Variants in BTBD16 observed in about 807,000 individuals in gnomAD.
BTBD16 encodes the protein BTB/POZ domain-containing protein 16.
In BTBD16, 66 loss-of-function variants were observed where a neutral mutation model predicts 67.4. That is an observed-to-expected ratio of 0.98 (90% CI 0.80 to 1.20). The LOEUF (loss-of-function observed/expected upper bound fraction) is 1.20, where lower values mean the gene tolerates loss of function less well. Ranked by LOEUF, BTBD16 falls within the 50% of genes most tolerant of loss-of-function variation. BTBD16 has a pLI of 0.00. For missense variants in BTBD16, 634 were observed against 616.0 expected (o/e 1.03, Z -0.31); for synonymous variants, 242 against 236.4 (o/e 1.02, Z -0.22).
chr10:122,323,703 C>A (rs2096439348), intron 10 of BTBD16, among the ~76,000 whole-genome samples: 1 of 152,186 alleles, frequency 6.6e-6, no homozygotes, highest in Non-Finnish European at 1.5e-5. Flanking sequence ...AAATTACTCA[C>A]TTTACTAAAT....
intron 12 of BTBD16, 182 bp from the exon 13 acceptor site, chr10:122,332,254 A>G (rs2096456306): frequency 1.7e-6 from 1 of 597,242 alleles, no homozygotes; most frequent in African/African-American, 1.9e-5. Flanking sequence ...ACAGTGCCAG[A>G]CACAGTAAGT....
intron 4 of BTBD16, among the ~76,000 whole-genome samples, chr10:122,284,656 G>T (rs1465743014): frequency 6.7e-6 from 1 of 148,280 alleles, no homozygotes; most frequent in African/African-American, 2.5e-5. Flanking sequence ...TCATGAGGAG[G>T]CAGCTTCTTA....
At chr10:122,282,772 G>A (rs1040863121) in intron 3 of BTBD16, among the ~76,000 whole-genome samples, 1 of 152,226 alleles carries the variant, frequency 6.6e-6, no homozygotes, top group Non-Finnish European at 1.5e-5. Flanking sequence ...GGATACACAA[G>A]TAAACAGGCA....
chr10:122,276,120 A>C (rs1008130375), intron 2 of BTBD16, among the ~76,000 whole-genome samples: 1 of 152,352 alleles, frequency 6.6e-6, no homozygotes, highest in East Asian at 1.9e-4. Flanking sequence ...GTGTGATTCC[A>C]CTTGTATGCA....
chr10:122,274,952 T>C, intron 1 of BTBD16, 88 bp from the exon 2 acceptor site: 1 of 826,292 alleles, frequency 1.2e-6, no homozygotes, highest in Non-Finnish European at 2.0e-6. Context: ...ATTGTTCCTG[T>C]GGCAAAGTAT....
chr10:122,277,035 T>G, intron 3 of BTBD16, 96 bp downstream of exon 3: 1 of 1,400,734 alleles, frequency 7.1e-7, no homozygotes, highest in South Asian at 1.4e-5. Context: ...CTGCAGTGGC[T>G]GTCAAGGGCA....
chr10:122,288,420 G>T (rs140704410), intron 5 of BTBD16, among the ~76,000 whole-genome samples: 1 of 152,322 alleles, frequency 6.6e-6, no homozygotes, highest in African/African-American at 2.4e-5. Context: ...GGAGGGGAAA[G>T]GATCCTTTGC....
intron 10 of BTBD16, among the ~76,000 whole-genome samples, chr10:122,328,199 A>T (rs1267324646): frequency 6.6e-6 from 1 of 152,180 alleles, no homozygotes; most frequent in East Asian, 1.9e-4. Flanking sequence ...TCCCACGAAG[A>T]TGTCAGTGTT....
At chr10:122,283,122 C>T (rs1349278330) in intron 3 of BTBD16, among the ~76,000 whole-genome samples, 1 of 152,174 alleles carries the variant, frequency 6.6e-6, no homozygotes, top group East Asian at 1.9e-4. Flanking sequence ...CTGGAGGATT[C>T]TCAGCAGGAG....
In BTBD16 at chr10:122,319,908, T is replaced by C. The variant is rs1411519546; in HGVS notation, c.912-9572T>C. ...TTAAATGTCTTTCATAAATGTTTCC[T>C]GTAGTTTTGCACAGTGTTTAGAAAA... On this transcript the variant is annotated intron_variant, in intron 10 of 15. Transcript: ENST00000260723. Among the ~76,000 whole-genome samples the C allele has an allele frequency of 8.5e-5, 13 of 152,270 alleles. No homozygotes were observed. In the South Asian group the frequency reaches 2.1e-3, roughly 24 times the overall value.
chr10:122,301,869 C>G (rs1447660680), intron 9 of BTBD16, among the ~76,000 whole-genome samples: 1 of 152,196 alleles, frequency 6.6e-6, no homozygotes, highest in Non-Finnish European at 1.5e-5. Flanking sequence ...AGGGCCTCCA[C>G]TGGCTCCAAA....
chr10:122,271,812 G>A (rs1419163290), intron 1 of BTBD16, among the ~76,000 whole-genome samples: 1 of 152,124 alleles, frequency 6.6e-6, no homozygotes, highest in Non-Finnish European at 1.5e-5. Flanking sequence ...TGGATTTCAA[G>A]ATCAGCTAAA....
In BTBD16 at chr10:122,273,245, T is replaced by TATATATATATAC. The variant is rs1249462780; in HGVS notation, c.-43+1732_-43+1733insTATATATATACA. Among the ~76,000 whole-genome samples the TATATATATATAC allele has an allele frequency of 1.3e-3, 178 of 139,444 alleles. 2 individuals carry two copies. The highest frequency in any genetic ancestry group is 4.5e-3 in the East Asian group (20 of 4,418). The allele number at this position is 139,444 out of a possible 152,430, so 91.5% of individuals were successfully genotyped here. On this transcript the variant is annotated intron_variant, in intron 1 of 15. Coordinates refer to ENST00000260723, the MANE Select transcript of BTBD16 (RefSeq NM_144587.5). ...AGATATATATATATATATATATATATACACACATACATACATATATATACA... is the reference window on the plus strand; with the variant it reads ...AGATATATATATATATATATATATATATATATATATACACACACATACATACATATATATACA...
At chr10:122,310,147 T>C (rs200519068) in intron 10 of BTBD16, among the ~76,000 whole-genome samples, 1 of 152,246 alleles carries the variant, frequency 6.6e-6, no homozygotes, top group Non-Finnish European at 1.5e-5. Context: ...ATGTCATGCA[T>C]GTGGCAACTT....
At chr10:122,302,313 T>G (rs1366395654) in intron 9 of BTBD16, among the ~76,000 whole-genome samples, 1 of 152,150 alleles carries the variant, frequency 6.6e-6, no homozygotes, top group Non-Finnish European at 1.5e-5. Context: ...GTTAATTTTC[T>G]TCTTATAGGT....
At chr10:122,314,622 A>G (rs755599605) in intron 10 of BTBD16, among the ~76,000 whole-genome samples, 1 of 152,206 alleles carries the variant, frequency 6.6e-6, no homozygotes, top group Admixed American at 6.5e-5. Context: ...TGCTGACTCT[A>G]TTGTAAATAG....
Position 122,286,268 on chromosome 10 carries a change from C to T in BTBD16, c.385+20C>T. The T allele has an allele frequency of 2.5e-6, 4 of 1,594,076 alleles. No individual in the cohort carries two copies. The highest frequency in any genetic ancestry group is 2.6e-6 in the Non-Finnish European group (3 of 1,167,568). On this transcript the variant is annotated intron_variant, in intron 5 of 15. Coordinates refer to ENST00000260723, the MANE Select transcript of BTBD16 (RefSeq NM_144587.5). ...TGCGAGGTACTTCCTCCCTGGCACC[C>T]AGTGCTGGAGCCCCAGTGCCCTCTA...
chr10:122,289,372 A>G (rs1018030444), intron 5 of BTBD16, among the ~76,000 whole-genome samples: 4 of 152,328 alleles, frequency 2.6e-5, no homozygotes, highest in African/African-American at 9.6e-5. Context: ...GGCGAGGGAT[A>G]CGTGGGAACT....
At chr10:122,314,425 G>T (rs751138151) in intron 10 of BTBD16, among the ~76,000 whole-genome samples, 4 of 152,108 alleles carry the variant, frequency 2.6e-5, no homozygotes, top group Non-Finnish European at 5.9e-5. Flanking sequence ...GATCACTTGA[G>T]CCTGGGAGGT....
Sources: allele counts gnomAD v4.1 joint callset (sites outside exome capture counted in the v4.1 genomes callset), GRCh38; gene constraint gnomAD v4.1.1; transcripts MANE v1.5; gene names NCBI Gene and HGNC (gene_info 2026-07-23, HGNC 2026-07-21).